The following TSPAN10 variants were observed in gnomAD, a reference collection of about 807,000 sequenced individuals.
TSPAN10 encodes tetraspanin-10.
TSPAN10 carries 11 observed loss-of-function variants against 15.0 expected under a neutral mutation model. That is an observed-to-expected ratio of 0.73 (90% CI 0.46 to 1.21). TSPAN10 has a LOEUF of 1.21. TSPAN10 is among the 50% of genes most tolerant of loss of function. TSPAN10 has a pLI of 0.00. For missense variants in TSPAN10, 486 were observed against 470.6 expected, an observed-to-expected ratio of 1.03 and a Z score of -0.30; for synonymous variants, 241 against 226.2, an observed-to-expected ratio of 1.07 and a Z score of -0.59.
chr17:81,642,359 C>T (rs531703934), upstream of TSPAN10: 623 of 1,609,142 alleles, frequency 3.9e-4, 5 homozygotes, highest in South Asian at 6.6e-3. Flanking sequence ...CACAGAGGAG[C>T]CAGCGAACCT....
At chr17:81,639,383 T>A (rs981886854), upstream of TSPAN10, among the ~76,000 whole-genome samples, 1 of 151,668 alleles carries the variant, frequency 6.6e-6, no homozygotes. Context: ...AATTTTTATA[T>A]CTTTAGTAGA....
At chr17:81,642,696 G>A (rs1376931229) in intron 1 of TSPAN10, among the ~76,000 whole-genome samples, 1 of 152,178 alleles carries the variant, frequency 6.6e-6, no homozygotes, top group Non-Finnish European at 1.5e-5. Context: ...GGCCTTGGGG[G>A]CAATCTTTGG....
At chr17:81,642,538 A>C (rs1598709111) in intron 1 of TSPAN10, 90 bp downstream of exon 2, 8 of 1,366,926 alleles carry the variant, frequency 5.9e-6, no homozygotes, top group Non-Finnish European at 3.0e-6. Flanking sequence ...GTTCACACCC[A>C]CCCCTGCCCC....
chr17:81,645,190 C>A, exon 2 of TSPAN10: 1 of 1,547,006 alleles, frequency 6.5e-7, no homozygotes, highest in East Asian at 2.3e-5. Context: ...CGTCAAGTAT[C>A]TGATCTTCCT....
exon 3 of TSPAN10, chr17:81,648,149 A>G: frequency 1.3e-6 from 2 of 1,494,424 alleles, no homozygotes; most frequent in South Asian, 2.6e-5. Context: ...CAGGGCGCGG[A>G]GCTCCTGCTG....
upstream of TSPAN10, among the ~76,000 whole-genome samples, chr17:81,641,102 T>G (rs1307810125): frequency 7.3e-5 from 11 of 149,912 alleles, no homozygotes; most frequent in African/African-American, 2.5e-4. Flanking sequence ...GAGGCAGAGG[T>G]TGCGGTGAGT....
At position 81,644,802 on chromosome 17, in the gene TSPAN10, G is replaced by A. The variant is rs561223442; in HGVS notation, c.37-190G>A. ...CCCTCACTGCCCCTTCTGCTGCTCA[G>A]CCGAGCGGGACGGCCCTGAGGGCCC... On this transcript the variant is annotated intron_variant, in intron 1 of 2. Transcript: ENST00000611590. Among the ~76,000 whole-genome samples, 3 of 152,336 alleles carry A rather than the reference G, an allele frequency of 2.0e-5. No homozygotes were observed. In the East Asian group the frequency reaches 5.8e-4, roughly 29 times the overall value.
At chr17:81,643,191 G>C (rs979398454) in intron 1 of TSPAN10, among the ~76,000 whole-genome samples, 3 of 150,326 alleles carry the variant, frequency 2.0e-5, no homozygotes, top group Non-Finnish European at 4.4e-5. Flanking sequence ...GTCGAGACAG[G>C]GTTTTACCAT....
At position 81,647,823 on chromosome 17, in the gene TSPAN10, G is replaced by C. The variant is rs1205098287; in HGVS notation, c.675-78G>C. The C allele has an allele frequency of 2.7e-6, 4 of 1,495,258 alleles. No homozygotes were observed. In the East Asian group the frequency reaches 7.3e-5, roughly 27 times the overall value. 92.6% of individuals were successfully genotyped at this position (1,495,258 alleles called of 1,614,324 possible). The stretch of plus-strand genomic sequence containing the variant: ...GGCCATGGAAGGGTGAAGGTGGGTA[G>C]GCGACATTCGCCTCTGTGCCTGGTC... On this transcript the variant is annotated intron_variant, in intron 2 of 2. Transcript: ENST00000611590.
chr17:81,642,021 C>G (rs1254871657), upstream of TSPAN10, among the ~76,000 whole-genome samples: 1 of 152,152 alleles, frequency 6.6e-6, no homozygotes, highest in East Asian at 1.9e-4. Context: ...GTCTGATTCC[C>G]TGGTTGGGAG....
At chr17:81,637,518 G>T (rs758534654), upstream of TSPAN10, 5 of 631,738 alleles carry the variant, frequency 7.9e-6, no homozygotes, top group Non-Finnish European at 1.4e-5. Context: ...TGCATTTCAG[G>T]CCGGGCGCGG....
At chr17:81,644,635 C>T (rs574020433) in intron 1 of TSPAN10, among the ~76,000 whole-genome samples, 3 of 152,320 alleles carry the variant, frequency 2.0e-5, no homozygotes, top group Non-Finnish European at 4.4e-5. Context: ...GACCCTGACC[C>T]GGGGAGGCCG....
chr17:81,641,777 G>T (rs989463989), upstream of TSPAN10, among the ~76,000 whole-genome samples: 5 of 152,058 alleles, frequency 3.3e-5, no homozygotes, highest in African/African-American at 1.2e-4. Context: ...AATGAGTGAG[G>T]CAAGGTGGCG....
chr17:81,645,540 C>G, exon 2 of TSPAN10: 1 of 1,605,008 alleles, frequency 6.2e-7, no homozygotes, highest in Non-Finnish European at 8.5e-7. Flanking sequence ...ACTACCAGGA[C>G]GACCCAGACC....
chr17:81,648,204 G>A, exon 3 of TSPAN10: 1 of 1,374,418 alleles, frequency 7.3e-7, no homozygotes, highest in Non-Finnish European at 9.3e-7. Flanking sequence ...GGGGGGCGGC[G>A]TACGGCCCCG....
chr17:81,645,284 G>A (rs2036230932), exon 2 of TSPAN10: 1 of 1,532,990 alleles, frequency 6.5e-7, no homozygotes, highest in African/African-American at 1.4e-5. Context: ...TCTCTGGGAA[G>A]TGATCTGGGG....
upstream of TSPAN10, chr17:81,642,308 C>G (rs1251109217): frequency 7.2e-7 from 1 of 1,382,904 alleles, no homozygotes; most frequent in Middle Eastern, 1.9e-4. Flanking sequence ...TGTTCACAGA[C>G]TAGCCCAGGG....
upstream of TSPAN10, chr17:81,642,340 C>G (rs1320571454): frequency 1.9e-6 from 3 of 1,583,794 alleles, no homozygotes; most frequent in African/African-American, 2.7e-5. Context: ...ACCAGCCCAG[C>G]AGCCCAGCCA....
chr17:81,645,074 C>G (rs770610273), exon 2 of TSPAN10: 1 of 1,594,188 alleles, frequency 6.3e-7, no homozygotes, highest in Admixed American at 1.9e-5. Context: ...GAGGACCAGG[C>G]GGAGGCCTGG....
Sources: allele counts gnomAD v4.1 joint callset (sites outside exome capture counted in the v4.1 genomes callset), GRCh38; gene constraint gnomAD v4.1.1; transcripts MANE v1.5; gene names NCBI Gene and HGNC (gene_info 2026-07-23, HGNC 2026-07-21).